RANBP17: variants seen among roughly 807,000 people sequenced by gnomAD.
The protein encoded by RANBP17 is RAN binding protein 17.
Under a neutral mutation model 141.2 loss-of-function variants are expected in RANBP17, and 158 were observed. The ratio of observed to expected loss-of-function variants is 1.12; its 90% confidence interval spans 0.98 to 1.28. The LOEUF is 1.28. RANBP17 is among the 50% of genes most tolerant of loss of function. The pLI, the probability that RANBP17 is intolerant of heterozygous loss-of-function variation, is 0.00. For synonymous variants in RANBP17, 430 were observed against 450.0 expected, an observed-to-expected ratio of 0.96 and a Z score of 0.56; for missense variants, 1,438 against 1,290.7, an observed-to-expected ratio of 1.11 and a Z score of -1.75.
intron 25 of RANBP17, among the ~76,000 whole-genome samples, chr5:171,269,419 C>G (rs945789407): frequency 6.6e-6 from 1 of 152,090 alleles, no homozygotes; most frequent in Non-Finnish European, 1.5e-5. Flanking sequence ...AACGGATGGC[C>G]AGAGTAAAAG....
chr5:171,237,232 G>T (rs544861619), intron 22 of RANBP17, among the ~76,000 whole-genome samples: 1 of 152,286 alleles, frequency 6.6e-6, no homozygotes, highest in Admixed American at 6.5e-5. Flanking sequence ...ATGAAGGACA[G>T]AGAGTGGAGG....
chr5:170,967,220 G>A (rs1170916944), intron 13 of RANBP17, among the ~76,000 whole-genome samples: 1 of 152,098 alleles, frequency 6.6e-6, no homozygotes, highest in African/African-American at 2.4e-5. Context: ...GTTCAGAAGG[G>A]TTGGGAGGAG....
At chr5:170,978,799 T>G (rs1177049979) in intron 14 of RANBP17, among the ~76,000 whole-genome samples, 1 of 90,350 alleles carries the variant, frequency 1.1e-5, no homozygotes, top group Non-Finnish European at 2.8e-5. Flanking sequence ...TGTATACATA[T>G]ATAAAGACAC....
chr5:171,212,115 TAGG>T (rs1472603583), intron 20 of RANBP17, among the ~76,000 whole-genome samples: 1 of 152,088 alleles, frequency 6.6e-6, no homozygotes, highest in Non-Finnish European at 1.5e-5. Flanking sequence ...TAGGGAGAGG[TAGG>T]AGGCAAGTGC....
chr5:171,143,640 A>G (rs1053412528), intron 14 of RANBP17, among the ~76,000 whole-genome samples: 9 of 152,156 alleles, frequency 5.9e-5, no homozygotes, highest in Non-Finnish European at 1.0e-4. Flanking sequence ...TCTTCGGTAA[A>G]CATCTATTGA....
chr5:170,933,311 T>C (rs1015598434), intron 12 of RANBP17, among the ~76,000 whole-genome samples: 7 of 152,198 alleles, frequency 4.6e-5, no homozygotes, highest in Non-Finnish European at 1.0e-4. Flanking sequence ...TTTTCTTCTT[T>C]ATTAGTCTTA....
chr5:171,268,324 G>C (rs576643610), intron 25 of RANBP17, among the ~76,000 whole-genome samples: 7 of 152,216 alleles, frequency 4.6e-5, no homozygotes, highest in African/African-American at 1.7e-4. Flanking sequence ...CTGAAAAATG[G>C]ATATCAGCAT....
intron 14 of RANBP17, among the ~76,000 whole-genome samples, chr5:171,049,407 A>G (rs1029283906): frequency 1.3e-5 from 2 of 152,152 alleles, no homozygotes; most frequent in Non-Finnish European, 2.9e-5. Flanking sequence ...GTGTTCTCCC[A>G]TTCTGTAGGT....
intron 14 of RANBP17, among the ~76,000 whole-genome samples, chr5:171,065,813 A>G (rs1348468527): frequency 6.6e-6 from 1 of 151,790 alleles, no homozygotes; most frequent in Non-Finnish European, 1.5e-5. Flanking sequence ...CTCCTTTCCC[A>G]CCTTTCACAG....
intron 9 of RANBP17, among the ~76,000 whole-genome samples, chr5:170,916,814 C>T (rs1043553533): frequency 3.3e-5 from 5 of 150,996 alleles, no homozygotes; most frequent in East Asian, 2.0e-4. Context: ...CTCCCGGGTT[C>T]GAGTGATTCT....
intron 14 of RANBP17, among the ~76,000 whole-genome samples, chr5:171,103,234 A>G (rs1316844210): frequency 1.3e-5 from 2 of 152,130 alleles, no homozygotes; most frequent in Non-Finnish European, 2.9e-5. Flanking sequence ...TGTCCCAGGG[A>G]GATGGGAACT....
At chr5:170,993,630 G>A (rs542006342) in intron 14 of RANBP17, among the ~76,000 whole-genome samples, 1 of 152,204 alleles carries the variant, frequency 6.6e-6, no homozygotes, top group African/African-American at 2.4e-5. Flanking sequence ...AAATGAGAGT[G>A]TATATGAAAT....
At chr5:170,944,606 A>G (rs1209766327) in intron 12 of RANBP17, among the ~76,000 whole-genome samples, 3 of 152,186 alleles carry the variant, frequency 2.0e-5, no homozygotes, top group Non-Finnish European at 4.4e-5. Flanking sequence ...TTCATCTCTA[A>G]CATTAATTCT....
chr5:171,162,442 A>G (rs895214509), intron 14 of RANBP17, among the ~76,000 whole-genome samples: 1 of 152,056 alleles, frequency 6.6e-6, no homozygotes, highest in African/African-American at 2.4e-5. Context: ...GGAGATCCTT[A>G]GTCAGTGGCT....
intron 20 of RANBP17, chr5:171,206,692 C>A (rs1020364076): frequency 5.6e-6 from 1 of 179,650 alleles, no homozygotes; most frequent in African/African-American, 2.4e-5. Flanking sequence ...ACAGTTATGG[C>A]CAAAAATATA....
chr5:170,988,093 T>C (rs1023092698), intron 14 of RANBP17, among the ~76,000 whole-genome samples: 2 of 151,686 alleles, frequency 1.3e-5, no homozygotes, highest in Non-Finnish European at 3.0e-5. Context: ...CTTAATAAAA[T>C]ATATGCTTAC....
At chr5:170,989,900 G>A (rs1477244256) in intron 14 of RANBP17, among the ~76,000 whole-genome samples, 1 of 151,688 alleles carries the variant, frequency 6.6e-6, no homozygotes, top group Non-Finnish European at 1.5e-5. Flanking sequence ...GAAAGCTAAA[G>A]TATTAGCAAA....
chr5:170,911,778 A>C (rs553556241), intron 7 of RANBP17, among the ~76,000 whole-genome samples: 1 of 151,978 alleles, frequency 6.6e-6, no homozygotes, highest in East Asian at 1.9e-4. Flanking sequence ...AGAAGAGGAG[A>C]GTTGCAACTT....
At chr5:171,094,803 A>G (rs1786560790) in intron 14 of RANBP17, among the ~76,000 whole-genome samples, 1 of 152,152 alleles carries the variant, frequency 6.6e-6, no homozygotes, top group Non-Finnish European at 1.5e-5. Flanking sequence ...GTCTTAATGT[A>G]TTCATATTGG....
Sources: gnomAD v4.1 joint callset for allele counts (sites outside exome capture counted in the v4.1 genomes callset) on GRCh38, gnomAD v4.1.1 for gene constraint, MANE v1.5 for transcripts, NCBI Gene and HGNC (gene_info 2026-07-23, HGNC 2026-07-21) for gene names.